SLC35F4: variants seen among roughly 807,000 people sequenced by gnomAD.
SLC35F4 encodes the protein solute carrier family 35 member F4.
SLC35F4 carries 24 observed loss-of-function variants against 44.2 expected under a neutral mutation model. The ratio of observed to expected loss-of-function variants is 0.54; its 90% CI spans 0.39 to 0.76. SLC35F4 has a LOEUF of 0.76. SLC35F4 is among the 30% of genes least tolerant of loss of function. SLC35F4 has a pLI of 0.00. For synonymous variants in SLC35F4, 238 were observed against 223.6 expected, an observed-to-expected ratio of 1.06 and a Z score of -0.57; for missense variants, 562 against 586.1, an observed-to-expected ratio of 0.96 and a Z score of 0.42.
intron 1 of SLC35F4, among the ~76,000 whole-genome samples, chr14:57,968,734 A>C (rs1187423817): frequency 1.3e-5 from 2 of 152,214 alleles, no homozygotes; most frequent in Non-Finnish European, 2.9e-5. Flanking sequence ...ATGTACCCTT[A>C]AAATGGAGAA....
At chr14:57,806,316 C>A (rs1285737803) in intron 1 of SLC35F4, among the ~76,000 whole-genome samples, 1 of 152,138 alleles carries the variant, frequency 6.6e-6, no homozygotes, top group Non-Finnish European at 1.5e-5. Flanking sequence ...ACTATAATCT[C>A]TACAAAATAG....
intron 1 of SLC35F4, among the ~76,000 whole-genome samples, chr14:57,710,058 T>C (rs2075779291): frequency 6.6e-6 from 1 of 152,160 alleles, no homozygotes; most frequent in African/African-American, 2.4e-5. Flanking sequence ...TCAGAGACCT[T>C]TAGAGCAGGC....
intron 1 of SLC35F4, among the ~76,000 whole-genome samples, chr14:57,931,405 A>C (rs893188350): frequency 3.9e-5 from 6 of 152,234 alleles, no homozygotes; most frequent in Non-Finnish European, 7.3e-5. Context: ...CAATGTTGAC[A>C]AAATTACCAT....
chr14:57,932,194 G>A lies in SLC35F4; in HGVS notation n.282+49719C>T, dbSNP rs1335523. On this transcript the variant is annotated intron_variant and non_coding_transcript_variant, in intron 1 of 1. Transcript: ENST00000556568. ...AGAGTTTAGTGAGGTTATTTGGAGT[G>A]GTTTTTGTTGTTATTTTAAGTAAAG... Among the ~76,000 whole-genome samples the A allele has an allele frequency of 2.0e-5, 3 of 152,108 alleles. No individual in the cohort carries two copies. In the South Asian group the frequency reaches 6.2e-4, roughly 32 times the overall value.
intron 1 of SLC35F4, among the ~76,000 whole-genome samples, chr14:57,840,655 A>T (rs1429601644): frequency 3.3e-5 from 5 of 152,174 alleles, no homozygotes; most frequent in African/African-American, 1.2e-4. Context: ...AGACCACCTC[A>T]TTATTAATTT....
At chr14:57,622,367 A>G (rs966016273) in intron 1 of SLC35F4, among the ~76,000 whole-genome samples, 1 of 145,462 alleles carries the variant, frequency 6.9e-6, no homozygotes, top group African/African-American at 2.6e-5. Context: ...ACACATGCAC[A>G]CGTATGTTTA....
intron 1 of SLC35F4, among the ~76,000 whole-genome samples, chr14:57,797,745 T>A (rs2078088193): frequency 6.6e-6 from 1 of 152,162 alleles, no homozygotes; most frequent in South Asian, 2.1e-4. Context: ...AAACAAAACA[T>A]GAAACACTGG....
At chr14:57,671,004 A>G (rs951727950) in intron 1 of SLC35F4, among the ~76,000 whole-genome samples, 9 of 147,144 alleles carry the variant, frequency 6.1e-5, no homozygotes, top group Non-Finnish European at 1.3e-4. Flanking sequence ...TCCCGGGTTC[A>G]AGCGGTTATC....
chr14:57,685,218 C>T (rs1338877203), intron 1 of SLC35F4, among the ~76,000 whole-genome samples: 1 of 152,112 alleles, frequency 6.6e-6, no homozygotes, highest in Non-Finnish European at 1.5e-5. Context: ...TTTAGGCCTC[C>T]CACTTCTGGT....
At chr14:57,666,627 A>G (rs760091068) in intron 1 of SLC35F4, among the ~76,000 whole-genome samples, 7 of 152,132 alleles carry the variant, frequency 4.6e-5, no homozygotes, top group Non-Finnish European at 8.8e-5. Flanking sequence ...TTTTTAAGCC[A>G]CTAGGTTTGT....
At chr14:57,670,971 C>A (rs887525161) in intron 1 of SLC35F4, among the ~76,000 whole-genome samples, 1 of 135,786 alleles carries the variant, frequency 7.4e-6, no homozygotes, top group Non-Finnish European at 1.5e-5. Context: ...GTGGCATGGT[C>A]TCAGCTCACT....
chr14:57,926,725 TGGG>T (rs3034470), intron 1 of SLC35F4, among the ~76,000 whole-genome samples: 39,355 of 125,844 alleles, frequency 0.31, 6,776 homozygotes, highest in African/African-American at 0.5. Flanking sequence ...GAAGTAGGGT[TGGG>T]GGGGGGGGGT....
intron 1 of SLC35F4, among the ~76,000 whole-genome samples, chr14:57,716,017 AC>A (rs2075930736): frequency 1.3e-5 from 2 of 152,184 alleles, no homozygotes; most frequent in South Asian, 4.2e-4. Flanking sequence ...TGGTGATCAG[AC>A]AGCAGTCAGA....
chr14:57,973,465 T>A (rs1881115192), downstream of SLC35F4, among the ~76,000 whole-genome samples: 1 of 152,162 alleles, frequency 6.6e-6, no homozygotes, highest in Non-Finnish European at 1.5e-5. Flanking sequence ...AGCAATTTTC[T>A]AGGGAAAGAT....
intron 1 of SLC35F4, among the ~76,000 whole-genome samples, chr14:57,683,814 G>A (rs1270045349): frequency 6.6e-6 from 1 of 152,094 alleles, no homozygotes; most frequent in East Asian, 1.9e-4. Context: ...TAGGAAAGGG[G>A]CTATGGGCTG....
intron 1 of SLC35F4, among the ~76,000 whole-genome samples, chr14:57,737,493 C>G (rs192174168): frequency 1.4e-4 from 21 of 152,122 alleles, no homozygotes; most frequent in Non-Finnish European, 2.9e-4. Context: ...GTGTCCAGAA[C>G]AGCGAACACA....
At chr14:57,729,773 C>T (rs1594902699) in intron 1 of SLC35F4, among the ~76,000 whole-genome samples, 1 of 152,134 alleles carries the variant, frequency 6.6e-6, no homozygotes, top group South Asian at 2.1e-4. Flanking sequence ...TAGCACTAGC[C>T]GTTGCCTAGG....
intron 1 of SLC35F4, among the ~76,000 whole-genome samples, chr14:57,776,441 C>T (rs562295977): frequency 1.3e-4 from 20 of 152,012 alleles, no homozygotes; most frequent in African/African-American, 3.6e-4. Context: ...AGGCCACGGG[C>T]GGATCACGAG....
rs150200071 is a variant in SLC35F4, at chr14:57,969,448, T to C, written n.282+12465A>G. On this transcript the variant is annotated intron_variant and non_coding_transcript_variant, in intron 1 of 1. Coordinates refer to the SLC35F4 transcript ENST00000556568. ...GCAAAATAAAATATATTTATTGATG[T>C]TTAATATTATAATATGAAAGAGAAA... is the stretch of plus-strand genomic sequence containing the variant. Among the ~76,000 whole-genome samples the C allele has an allele frequency of 6.3e-3, 955 of 152,328 alleles. 4 individuals carry two copies. Among genetic ancestry groups the C allele is most frequent in the African/African-American group, 0.022 (901 of 41,584 alleles).
Sources: allele counts gnomAD v4.1 joint callset (sites outside exome capture counted in the v4.1 genomes callset), GRCh38; gene constraint gnomAD v4.1.1; transcripts MANE v1.5; gene names NCBI Gene and HGNC (gene_info 2026-07-23, HGNC 2026-07-21).